ARHGAP21: variants seen among roughly 807,000 people sequenced by gnomAD.
ARHGAP21 encodes the protein Rho GTPase activating protein 21.
Under a neutral mutation model 164.6 loss-of-function variants are expected in ARHGAP21, and 38 were observed. The observed-to-expected ratio is 0.23, with a 90% confidence interval of 0.18 to 0.30. The LOEUF (loss-of-function observed/expected upper bound fraction) is 0.30, where lower values mean the gene tolerates loss of function less well. Ranked by LOEUF, ARHGAP21 falls within the 10% of genes least tolerant of loss-of-function variation. The pLI is 1.00. For synonymous variants in ARHGAP21, 766 were observed against 857.9 expected (o/e 0.89, Z 1.87); for missense variants, 1,822 against 2,370.7 (o/e 0.77, Z 4.81).
intron 7 of ARHGAP21, among the ~76,000 whole-genome samples, chr10:24,627,528 A>G (rs1224331916): frequency 6.6e-6 from 1 of 152,216 alleles, no homozygotes; most frequent in African/African-American, 2.4e-5. Flanking sequence ...TAATGATTAA[A>G]GTAATTCAAA....
intron 6 of ARHGAP21, among the ~76,000 whole-genome samples, chr10:24,632,110 AAAC>A (rs1199848177): frequency 2.0e-5 from 3 of 152,226 alleles, no homozygotes; most frequent in African/African-American, 7.2e-5. Flanking sequence ...GACAGAAGAA[AAAC>A]AACACTTTTA....
chr10:24,674,701 T>C (rs7921516), intron 2 of ARHGAP21, among the ~76,000 whole-genome samples: 2,647 of 151,952 alleles, frequency 0.017, 70 homozygotes, highest in African/African-American at 0.053. Flanking sequence ...ATATATATAT[T>C]TTATGAAAAG....
At position 24,711,034 on chromosome 10, in the gene ARHGAP21, C is replaced by G. The variant is rs187116145; in HGVS notation, c.63+10803G>C. 5.3e-3 allele frequency among the ~76,000 whole-genome samples: 738 copies of G among 139,484 alleles called. 6 individuals are homozygous for G. The highest frequency in any genetic ancestry group is 0.019 in the African/African-American group (713 of 37,158). The allele number at this position is 139,484 out of a possible 152,430, so 91.5% of individuals were successfully genotyped here. On this transcript the variant is annotated intron_variant, in intron 2 of 25. Transcript: ENST00000396432. ...ACTTGAACCTGAGAGGCAGAGGTTG[C>G]AGTGATCCAAGATCGCGCCACTGCA...
At chr10:24,718,046 T>C (rs1323169474) in intron 2 of ARHGAP21, among the ~76,000 whole-genome samples, 1 of 152,082 alleles carries the variant, frequency 6.6e-6, no homozygotes, top group Non-Finnish European at 1.5e-5. Context: ...ATTGGGAAAC[T>C]CCGTAGGGAA....
intron 4 of ARHGAP21, among the ~76,000 whole-genome samples, chr10:24,665,768 G>A (rs1416266392): frequency 6.6e-6 from 1 of 152,146 alleles, no homozygotes; most frequent in African/African-American, 2.4e-5. Flanking sequence ...AAACACGTAT[G>A]ACCTTGAACT....
At chr10:24,662,998 A>T (rs1193361206) in intron 4 of ARHGAP21, among the ~76,000 whole-genome samples, 25 of 149,864 alleles carry the variant, frequency 1.7e-4, no homozygotes, top group Admixed American at 1.7e-3. Flanking sequence ...TATGGTATTC[A>T]TAGTAACACA....
chr10:24,721,337 A>C (rs1394584142), intron 2 of ARHGAP21, among the ~76,000 whole-genome samples: 1 of 152,184 alleles, frequency 6.6e-6, no homozygotes, highest in Non-Finnish European at 1.5e-5. Flanking sequence ...TTTCTACCTA[A>C]AGCAGAGATC....
chr10:24,715,881 C>A (rs576295537), intron 2 of ARHGAP21, among the ~76,000 whole-genome samples: 1 of 152,210 alleles, frequency 6.6e-6, no homozygotes, highest in African/African-American at 2.4e-5. Context: ...TGCTGGCACA[C>A]GCCTGTAATC....
intron 2 of ARHGAP21, among the ~76,000 whole-genome samples, chr10:24,695,580 A>T (rs1843109209): frequency 6.6e-6 from 1 of 151,912 alleles, no homozygotes; most frequent in Non-Finnish European, 1.5e-5. Flanking sequence ...AAAAAAAAAA[A>T]AGAATAGAAT....
intron 9 of ARHGAP21, among the ~76,000 whole-genome samples, chr10:24,616,303 T>A (rs1833942038): frequency 6.6e-6 from 1 of 152,184 alleles, no homozygotes; most frequent in Admixed American, 6.5e-5. Flanking sequence ...CCTGAATTAG[T>A]ATTAAAGAAG....
intron 14 of ARHGAP21, among the ~76,000 whole-genome samples, chr10:24,599,717 TGATA>T (rs1176143153): frequency 2.0e-5 from 3 of 152,202 alleles, no homozygotes; most frequent in African/African-American, 4.8e-5. Flanking sequence ...TAGATTTGCT[TGATA>T]AAGTTTATAG....
At chr10:24,679,718 ATGAG>A (rs1464937845) in intron 2 of ARHGAP21, among the ~76,000 whole-genome samples, 1 of 152,216 alleles carries the variant, frequency 6.6e-6, no homozygotes, top group Non-Finnish European at 1.5e-5. Flanking sequence ...GCAAATGATG[ATGAG>A]TATCTTTTCA....
intron 2 of ARHGAP21, among the ~76,000 whole-genome samples, chr10:24,675,914 G>C (rs1841172704): frequency 6.6e-6 from 1 of 152,214 alleles, no homozygotes; most frequent in African/African-American, 2.4e-5. Flanking sequence ...TTGGGAGGCT[G>C]AGGCAGGCAG....
At chr10:24,630,468 T>G (rs1835743235) in intron 6 of ARHGAP21, among the ~76,000 whole-genome samples, 2 of 152,140 alleles carry the variant, frequency 1.3e-5, no homozygotes, top group African/African-American at 4.8e-5. Context: ...TTCATTAACA[T>G]CAAAGAACCC....
chr10:24,662,941 G>T (rs1409232299), intron 4 of ARHGAP21, among the ~76,000 whole-genome samples: 1 of 148,408 alleles, frequency 6.7e-6, no homozygotes, highest in Non-Finnish European at 1.5e-5. Context: ...TGAACAATGG[G>T]TTTGAACTCT....
chr10:24,700,589 G>A (rs144787279), intron 2 of ARHGAP21, among the ~76,000 whole-genome samples: 53 of 152,180 alleles, frequency 3.5e-4, no homozygotes, highest in Middle Eastern at 3.4e-3. Flanking sequence ...TTATGATTAG[G>A]TATTCTGGAT....
At chr10:24,694,169 A>AC (rs1434505697) in intron 2 of ARHGAP21, among the ~76,000 whole-genome samples, 1 of 151,996 alleles carries the variant, frequency 6.6e-6, no homozygotes, top group African/African-American at 2.4e-5. Flanking sequence ...ACTCACCCAT[A>AC]CCCCCTTATG....
At chr10:24,687,680 A>G (rs970507379) in intron 2 of ARHGAP21, among the ~76,000 whole-genome samples, 3 of 152,248 alleles carry the variant, frequency 2.0e-5, no homozygotes, top group African/African-American at 7.2e-5. Flanking sequence ...TTCTGTGGTT[A>G]AAAACAATTA....
At chr10:24,699,889 A>G (rs1353909401) in intron 2 of ARHGAP21, among the ~76,000 whole-genome samples, 2 of 152,114 alleles carry the variant, frequency 1.3e-5, no homozygotes, top group Non-Finnish European at 2.9e-5. Flanking sequence ...ACTAAATATT[A>G]CCTATTCTTC....
Sources: gnomAD v4.1 joint callset for allele counts (sites outside exome capture counted in the v4.1 genomes callset) on GRCh38, gnomAD v4.1.1 for gene constraint, MANE v1.5 for transcripts, NCBI Gene and HGNC (gene_info 2026-07-23, HGNC 2026-07-21) for gene names.